USP9X: variants seen among roughly 807,000 people sequenced by gnomAD.
USP9X encodes the protein ubiquitin carboxyl-terminal hydrolase 9X.
In USP9X, 7 loss-of-function variants were observed where a neutral mutation model predicts 190.3. The observed-to-expected ratio is 0.04, with a 90% CI of 0.02 to 0.07. The LOEUF (loss-of-function observed/expected upper bound fraction) is 0.07. USP9X is among the 10% of genes least tolerant of loss of function. The pLI is 1.00. For synonymous variants in USP9X, 645 were observed against 659.5 expected (o/e 0.98, Z 0.34); for missense variants, 1,010 against 1,916.9 (o/e 0.53, Z 8.83).
At chrX:41,108,340 C>G (rs112408781) in intron 1 of USP9X, among the ~76,000 whole-genome samples, 14,783 of 111,016 alleles carry the variant, frequency 0.13, 894 homozygotes, top group East Asian at 0.22. Context: ...ACTGATTGGT[C>G]TGTTGATTTA....
intron 14 of USP9X, among the ~76,000 whole-genome samples, chrX:41,155,314 A>C (rs905448921): frequency 8.9e-6 from 1 of 112,143 alleles, no homozygotes; most frequent in Non-Finnish European, 1.9e-5. Flanking sequence ...TCTCACTACA[A>C]GTGTTTTCAT....
intron 25 of USP9X, among the ~76,000 whole-genome samples, chrX:41,189,017 T>C (rs1190057692): frequency 8.9e-6 from 1 of 112,375 alleles, no homozygotes; most frequent in Non-Finnish European, 1.9e-5. Flanking sequence ...AAGGATTGGT[T>C]GTTGGTTCAG....
chrX:41,211,416 T>C, intron 33 of USP9X, among the ~76,000 whole-genome samples: 1 of 113,230 alleles, frequency 8.8e-6, no homozygotes, highest in East Asian at 2.7e-4. Flanking sequence ...ATAGTGTAAA[T>C]ACAGTAAGTT....
chrX:41,090,235 T>G (rs2061945509), intron 1 of USP9X, among the ~76,000 whole-genome samples: 1 of 110,153 alleles, frequency 9.1e-6, no homozygotes, highest in Non-Finnish European at 1.9e-5. Flanking sequence ...TGACACAAGA[T>G]TCCCCAAAGA....
At chrX:41,128,529 T>C (rs768055820) in intron 2 of USP9X, among the ~76,000 whole-genome samples, 1 of 112,322 alleles carries the variant, frequency 8.9e-6, no homozygotes, top group East Asian at 2.8e-4. Context: ...TCAATTATTT[T>C]ATCTTTTGTA....
At chrX:41,223,640 T>TTGGTCATGC (rs1296164813) in intron 39 of USP9X, among the ~76,000 whole-genome samples, 1 of 111,435 alleles carries the variant, frequency 9.0e-6, no homozygotes, top group Admixed American at 9.6e-5. Flanking sequence ...TTTCGCCATG[T>TTGGTCATGC]TGGTCATGCT....
At chrX:41,105,642 C>T (rs1421142956) in intron 1 of USP9X, among the ~76,000 whole-genome samples, 2 of 112,013 alleles carry the variant, frequency 1.8e-5, no homozygotes, top group African/African-American at 6.5e-5. Flanking sequence ...CCTTTCAGTT[C>T]TTTTGAGTGT....
chrX:41,147,598 C>A (rs975317250), intron 11 of USP9X, among the ~76,000 whole-genome samples: 1 of 109,627 alleles, frequency 9.1e-6, no homozygotes, highest in Non-Finnish European at 1.9e-5. Flanking sequence ...GGATTACAGG[C>A]ATGCGCCACC....
At chrX:41,125,684 A>ACTCTCTCTCTCTCTCTCTCTCT (rs1555918325) in intron 2 of USP9X, among the ~76,000 whole-genome samples, 3 of 19,021 alleles carry the variant, frequency 1.6e-4, no homozygotes, top group Admixed American at 7.6e-4. Flanking sequence ...ACACACACAC[A>ACTCTCTCTCTCTCTCTCTCTCT]CTCTCTCTCT....
chrX:41,152,648 TACATA>T (rs954305409), intron 13 of USP9X, among the ~76,000 whole-genome samples: 1 of 112,131 alleles, frequency 8.9e-6, no homozygotes, highest in Non-Finnish European at 1.9e-5. Context: ...TGGGAATAAT[TACATA>T]ACATAAGTGC....
At chrX:41,205,252 CA>C in intron 31 of USP9X, 50 bp from the exon 32 acceptor site, 1 of 962,619 alleles carries the variant, frequency 1.0e-6, no homozygotes, top group East Asian at 3.3e-5. Context: ...GCATTTGTCT[CA>C]ACGTATTTTA....
Position 41,086,098 on chromosome X carries a change from C to T in USP9X, c.-170C>T, listed in dbSNP as rs2061908324. On this transcript the variant is annotated 5_prime_UTR_variant, in exon 1 of 45. Coordinates refer to ENST00000378308, the MANE Select transcript of USP9X (RefSeq NM_001039591.3). ...GTGTGCCCTGGTTGTGAGAAGACGT[C>T]TGTGTCGTGCGGTGAGTGGCCAGCT... 2 of 295,749 alleles carry T rather than the reference C, an allele frequency of 6.8e-6. No individual in the cohort carries two copies. The highest frequency in any genetic ancestry group is 1.2e-5 in the Non-Finnish European group (2 of 170,018). 24.4% of individuals were successfully genotyped at this position (295,749 alleles called of 1,213,427 possible). A position where few individuals can be genotyped will look rare whatever the true frequency, so the allele number is the denominator to read the frequency against.
intron 10 of USP9X, among the ~76,000 whole-genome samples, 178 bp from the exon 11 acceptor site, chrX:41,144,344 C>T (rs942556905): frequency 9.2e-6 from 1 of 108,310 alleles, no homozygotes; most frequent in African/African-American, 3.4e-5. Flanking sequence ...CTCAGCCTCC[C>T]GAGTAGGTGG....
rs1370040222 is a variant in USP9X, at chrX:41,184,430, C to T, written c.3313C>T (p.Pro1105Ser). The part of the protein sequence containing the change: ...VYALLMPAGA[P>S]LADDSSDFQF... ...TGCCTTGTTAATGCCTGCTGGTGCA[C>T]CTCTGGCTGATGATTCCTCTGATTT... The change falls in exon 23 of 45, where the codon CCT becomes TCT. Residue 1105 changes from proline to serine, a missense_variant. By Grantham distance (74) the Pro-to-Ser change is moderately conservative. Transcript: ENST00000378308. 4.1e-6 allele frequency: 5 copies of T among 1,208,886 alleles called. No individual in the cohort carries two copies. The highest frequency in any genetic ancestry group is 1.8e-5 in the South Asian group (1 of 56,724).
At chrX:41,197,646 AT>A in intron 29 of USP9X, 136 bp downstream of exon 29, 1 of 556,670 alleles carries the variant, frequency 1.8e-6, no homozygotes, top group Non-Finnish European at 2.6e-6. Flanking sequence ...TCTTTATCAA[AT>A]TTACAGTAAT....
rs7051675 is a variant in USP9X at position 41,101,842 on chromosome X, A to G, written c.-159+15733A>G. Reference sequence around the variant, plus strand: ...ATATACAATGGAATATTATCTGTCAATGAAAAGAAATGAAGTACTGATACA... The same window carrying G: ...ATATACAATGGAATATTATCTGTCAGTGAAAAGAAATGAAGTACTGATACA... On this transcript the variant is annotated intron_variant, in intron 1 of 44. Transcript: ENST00000378308. 7.6e-3 allele frequency among the ~76,000 whole-genome samples: 858 copies of G among 112,163 alleles called. 6 individuals carry two copies. Among genetic ancestry groups the G allele is most frequent in the African/African-American group, 0.025 (784 of 30,863 alleles).
intron 1 of USP9X, 31 bp downstream of exon 1, chrX:41,086,140 C>T (rs2146893767): frequency 6.8e-6 from 2 of 294,488 alleles, no homozygotes; most frequent in South Asian, 4.7e-4. Context: ...GGGCGACGCT[C>T]TTTCCCGGGG....
Position 41,183,879 on chromosome X carries a change from G to A in USP9X, c.3149-119G>A, listed in dbSNP as rs1017159990. ...TCTTGTCATGTCTTAGGAAGTTTGA[G>A]CCTATAGCCCAACTGAGTGGATTGT... On this transcript the variant is annotated intron_variant, in intron 21 of 44. Transcript: ENST00000378308. The A allele has an allele frequency of 2.3e-5, 20 of 878,266 alleles. No homozygotes were observed. In the Admixed American group the frequency reaches 8.1e-4, roughly 35 times the overall value. The allele number at this position is 878,266 out of a possible 1,213,427, so 72.4% of individuals were successfully genotyped here. A position where few individuals can be genotyped will look rare whatever the true frequency, so the allele number is the denominator to read the frequency against.
At chrX:41,160,608 T>C (rs898107202) in intron 14 of USP9X, among the ~76,000 whole-genome samples, 3 of 111,465 alleles carry the variant, frequency 2.7e-5, no homozygotes, top group South Asian at 3.8e-4. Flanking sequence ...AAATTACTTA[T>C]TAATTACAAA....
Sources: gnomAD v4.1 joint callset for allele counts (sites outside exome capture counted in the v4.1 genomes callset) on GRCh38, gnomAD v4.1.1 for gene constraint, MANE v1.5 for transcripts, NCBI Gene and HGNC (gene_info 2026-07-23, HGNC 2026-07-21) for gene names.